The following MCUB variants were observed in gnomAD, a reference collection of about 807,000 sequenced individuals.
MCUB encodes the protein calcium uniporter regulatory subunit MCUb, mitochondrial.
MCUB carries 46 observed loss-of-function variants against 41.4 expected under a neutral mutation model. That is an observed-to-expected ratio of 1.11 (90% CI 0.88 to 1.42). MCUB has a LOEUF of 1.42. Ranked by LOEUF, MCUB falls within the 40% of genes most tolerant of loss-of-function variation. The pLI is 0.00. For synonymous variants in MCUB, 148 were observed against 148.2 expected (o/e 1.00, Z 0.01); for missense variants, 403 against 404.9 (o/e 1.00, Z 0.04).
intron 1 of MCUB, among the ~76,000 whole-genome samples, chr4:109,610,803 T>G (rs968442100): frequency 6.6e-6 from 1 of 152,196 alleles, no homozygotes; most frequent in African/African-American, 2.4e-5. Flanking sequence ...CTATACAGTA[T>G]CTTACTATAT....
Position 109,607,498 on chromosome 4 carries a change from G to A in MCUB, c.99+47062G>A, listed in dbSNP as rs1261427284. Among the ~76,000 whole-genome samples the A allele has an allele frequency of 5.3e-5, 8 of 152,180 alleles. No homozygotes were observed. In the East Asian group the frequency reaches 1.3e-3, roughly 26 times the overall value. ...CTCCCAAAGTGCTGGGATTACAGGCGTGAGCCACCATGCCCGGCCTCCTTT... is the reference window on the plus strand; with the variant it reads ...CTCCCAAAGTGCTGGGATTACAGGCATGAGCCACCATGCCCGGCCTCCTTT... On this transcript the variant is annotated intron_variant, in intron 1 of 7. Transcript: ENST00000394650.
intron 1 of MCUB, among the ~76,000 whole-genome samples, chr4:109,626,632 GC>G (rs1324317836): frequency 2.0e-5 from 3 of 151,984 alleles, no homozygotes; most frequent in Admixed American, 2.0e-4. Context: ...GGCCGACATG[GC>G]AAAACCCTGT....
intron 1 of MCUB, among the ~76,000 whole-genome samples, chr4:109,603,639 C>T (rs574791895): frequency 5.3e-5 from 8 of 151,504 alleles, no homozygotes; most frequent in South Asian, 2.1e-4. Context: ...GCCACCACCC[C>T]GTCTGGGAAC....
chr4:109,684,375 A>T, intron 5 of MCUB, 68 bp from the exon 6 acceptor site: 2 of 1,316,092 alleles, frequency 1.5e-6, no homozygotes, highest in Non-Finnish European at 2.1e-6. Flanking sequence ...GTTCCTTTTC[A>T]TCTTGCTTTT....
intron 4 of MCUB, among the ~76,000 whole-genome samples, chr4:109,668,077 G>A (rs1729383205): frequency 6.6e-6 from 1 of 151,980 alleles, no homozygotes; most frequent in African/African-American, 2.4e-5. Flanking sequence ...GTCTTGATGA[G>A]ATGTTCCCTG....
At chr4:109,583,886 A>G (rs1481969026) in intron 1 of MCUB, among the ~76,000 whole-genome samples, 2 of 152,192 alleles carry the variant, frequency 1.3e-5, no homozygotes, top group East Asian at 1.9e-4. Flanking sequence ...TGTATGTTGA[A>G]CCAGCCTTGC....
chr4:109,582,348 A>G (rs949018512), intron 1 of MCUB, among the ~76,000 whole-genome samples: 2 of 119,962 alleles, frequency 1.7e-5, no homozygotes, highest in Admixed American at 2.2e-4. Context: ...GGACACAGGA[A>G]GGGGAACATC....
At chr4:109,678,024 C>T (rs189283123) in intron 4 of MCUB, among the ~76,000 whole-genome samples, 21 of 151,756 alleles carry the variant, frequency 1.4e-4, no homozygotes, top group Admixed American at 5.9e-4. Context: ...TGACTCTTAA[C>T]GAGTATGCTG....
chr4:109,562,781 G>A (rs1726672367), intron 1 of MCUB, among the ~76,000 whole-genome samples: 2 of 152,188 alleles, frequency 1.3e-5, no homozygotes, highest in South Asian at 4.1e-4. Flanking sequence ...ACTTCTATGA[G>A]TGTGCCTTAT....
chr4:109,614,901 C>T (rs1178374260), intron 1 of MCUB, among the ~76,000 whole-genome samples: 3 of 152,134 alleles, frequency 2.0e-5, no homozygotes, highest in East Asian at 3.9e-4. Flanking sequence ...TGGATGAACC[C>T]AACTGATACA....
At chr4:109,654,117 G>T (rs1729023521) in intron 1 of MCUB, among the ~76,000 whole-genome samples, 1 of 150,786 alleles carries the variant, frequency 6.6e-6, no homozygotes, top group Non-Finnish European at 1.5e-5. Flanking sequence ...TAAATGTGTT[G>T]TTTTTTTTTT....
At chr4:109,604,404 AAT>A (rs1221579642) in intron 1 of MCUB, among the ~76,000 whole-genome samples, 3 of 152,214 alleles carry the variant, frequency 2.0e-5, no homozygotes, top group Non-Finnish European at 4.4e-5. Context: ...TAAAAAAAAA[AAT>A]AGTTTTTTGG....
intron 1 of MCUB, among the ~76,000 whole-genome samples, chr4:109,630,466 A>G (rs577157740): frequency 6.6e-6 from 1 of 152,262 alleles, no homozygotes; most frequent in African/African-American, 2.4e-5. Context: ...CATCTCTAAA[A>G]AAATTTTTTT....
intron 1 of MCUB, among the ~76,000 whole-genome samples, chr4:109,592,279 G>A (rs528522051): frequency 1.3e-5 from 2 of 151,690 alleles, no homozygotes; most frequent in Non-Finnish European, 2.9e-5. Context: ...GTATGGTGGC[G>A]TGTACCTGCA....
At position 109,560,354 on chromosome 4, in the gene MCUB, T is replaced by G; in HGVS notation, c.17T>G (p.Leu6Arg). The G allele has an allele frequency of 7.6e-7, 1 of 1,314,474 alleles. No homozygotes were observed. The highest frequency in any genetic ancestry group is 9.7e-7 in the Non-Finnish European group (1 of 1,032,492). The allele number at this position is 1,314,474 out of a possible 1,614,324, so 81.4% of individuals were successfully genotyped here. The change falls in exon 1 of 8, where the codon CTC becomes CGC. Residue 6 changes from leucine (L) to arginine (R), a missense_variant. Physicochemically the swap from Leu to Arg is moderately radical, Grantham distance 102. Coordinates refer to ENST00000394650, the MANE Select transcript of MCUB (RefSeq NM_017918.5). MLQRG[L>R]WPWRTRLLPT... ...GGCGGGAGGATGCTCCAGAGGGGCC[T>G]CTGGCCGTGGCGCACGCGGCTGCTG...
intron 1 of MCUB, among the ~76,000 whole-genome samples, chr4:109,596,903 G>A (rs1249848087): frequency 6.6e-6 from 1 of 151,654 alleles, no homozygotes; most frequent in Admixed American, 6.6e-5. Flanking sequence ...TTGTGTCCCT[G>A]GGTACTTGAG....
At chr4:109,666,807 T>G (rs1729355457) in intron 4 of MCUB, among the ~76,000 whole-genome samples, 1 of 152,148 alleles carries the variant, frequency 6.6e-6, no homozygotes, top group Admixed American at 6.5e-5. Flanking sequence ...TGTGAATTGG[T>G]GTTCAATTTT....
At chr4:109,602,335 G>C (rs1013028806) in intron 1 of MCUB, among the ~76,000 whole-genome samples, 1 of 152,190 alleles carries the variant, frequency 6.6e-6, no homozygotes, top group Non-Finnish European at 1.5e-5. Context: ...TAGTAGTTTT[G>C]TAGTTTCAGG....
intron 4 of MCUB, chr4:109,681,503 C>A: frequency 2.2e-6 from 1 of 451,016 alleles, no homozygotes; most frequent in Non-Finnish European, 4.4e-6. Context: ...AAGATGATGG[C>A]AAGCCTCGTG....
Sources: gnomAD v4.1 joint callset for allele counts (sites outside exome capture counted in the v4.1 genomes callset) on GRCh38, gnomAD v4.1.1 for gene constraint, MANE v1.5 for transcripts, NCBI Gene and HGNC (gene_info 2026-07-23, HGNC 2026-07-21) for gene names.